SETD2: variants seen among roughly 807,000 people sequenced by gnomAD.
SETD2 encodes the protein SET domain containing 2, histone lysine methyltransferase, also known as histone-lysine N-methyltransferase SETD2.
Under a neutral mutation model 242.1 loss-of-function variants are expected in SETD2, and 31 were observed. That is an observed-to-expected ratio of 0.13 (90% CI 0.10 to 0.17). SETD2 has a LOEUF of 0.17. Among genes scored for constraint, SETD2 ranks in the 10% least tolerant of loss-of-function variants. The pLI is 1.00. For missense variants in SETD2, 2,481 were observed against 3,046.3 expected (o/e 0.81, Z 4.37); for synonymous variants, 1,006 against 1,066.5 (o/e 0.94, Z 1.11).
Position 47,120,893 on chromosome 3 carries a change from C to T in SETD2, c.3743G>A (p.Gly1248Asp), listed in dbSNP as rs746595387. 7 of 1,614,096 alleles carry T rather than the reference C, an allele frequency of 4.3e-6. No homozygotes were observed. Among genetic ancestry groups the T allele is most frequent in the Non-Finnish European group, 5.9e-6 (7 of 1,180,036 alleles). ...TCTGAGCTCTTCTGATGAGTGCAAG[C>T]CATCCACATGTGGTATCTCACAAGA... ...SSSCEIPHVD[G>D]LHSSEELRNL... Residue 1248 changes from glycine (G) to aspartate (D), a missense_variant, in exon 3 of 21, where the codon GGC (glycine) becomes GAC (aspartate). Coordinates refer to ENST00000409792, the MANE Select transcript of SETD2 (RefSeq NM_014159.7).
At chr3:47,142,729 C>T (rs1472035948) in intron 1 of SETD2, among the ~76,000 whole-genome samples, 2 of 148,810 alleles carry the variant, frequency 1.3e-5, no homozygotes, top group Non-Finnish European at 3.0e-5. Flanking sequence ...AGTGCAATGG[C>T]GCAATCTCGC....
chr3:47,022,272 C>T (rs182824945), intron 18 of SETD2, among the ~76,000 whole-genome samples: 33 of 150,558 alleles, frequency 2.2e-4, no homozygotes, highest in African/African-American at 7.3e-4. Flanking sequence ...TGCCTGTAAT[C>T]CCAGCACTTT....
In SETD2 at chr3:47,044,344, C is replaced by CAAAAAAAAAAAAAA. The variant is rs59408277; in HGVS notation, c.7099-1658_7099-1645dup. Among the ~76,000 whole-genome samples, 12 of 33,948 alleles carry CAAAAAAAAAAAAAA rather than the reference C, an allele frequency of 3.5e-4. 1 individual carries two copies. Among genetic ancestry groups the CAAAAAAAAAAAAAA allele is most frequent in the Admixed American group, 5.4e-4 (1 of 1,856 alleles). 22.3% of individuals were successfully genotyped at this position (33,948 alleles called of 152,430 possible). A position where few individuals can be genotyped will look rare whatever the true frequency, so the allele number is the denominator to read the frequency against. The stretch of plus-strand genomic sequence containing the variant: ...TGGGCAACAAAGCAAGACTTCATCT[C>CAAAAAAAAAAAAAA]AAAAAAAAAAAAAAAAAAAAAAAAA... On this transcript the variant is annotated intron_variant, in intron 16 of 20. Coordinates refer to ENST00000409792, the MANE Select transcript of SETD2 (RefSeq NM_014159.7).
intron 9 of SETD2, among the ~76,000 whole-genome samples, chr3:47,093,689 C>T (rs1333515754): frequency 6.6e-6 from 1 of 152,174 alleles, no homozygotes; most frequent in African/African-American, 2.4e-5. Flanking sequence ...TCTGCTTATA[C>T]ACCCAGGAAC....
chr3:47,152,769 C>T (rs753664290), intron 1 of SETD2, among the ~76,000 whole-genome samples: 1 of 152,230 alleles, frequency 6.6e-6, no homozygotes, highest in Non-Finnish European at 1.5e-5. Flanking sequence ...GAAACCACCA[C>T]TTGCTCTAGG....
intron 16 of SETD2, among the ~76,000 whole-genome samples, chr3:47,043,853 T>C (rs1454046193): frequency 6.6e-6 from 1 of 152,180 alleles, no homozygotes; most frequent in Non-Finnish European, 1.5e-5. Context: ...TGTCCCTTAA[T>C]ATTCCAAACC....
In SETD2 at chr3:47,090,065, T is replaced by C. The variant is rs557305101; in HGVS notation, c.5143-1818A>G. ...GAGTTCAAGACGAGCCTGGCCAACA[T>C]GGTGAAACCCTGTCTCTAATAAAAA... On this transcript the variant is annotated intron_variant, in intron 9 of 20. Coordinates refer to ENST00000409792, the MANE Select transcript of SETD2 (RefSeq NM_014159.7). Among the ~76,000 whole-genome samples the C allele has an allele frequency of 8.5e-5, 13 of 152,172 alleles. No homozygotes were observed. The South Asian group carries it at 1.7e-3, about 19-fold the overall frequency.
At chr3:47,127,890 G>A (rs1456490371) in intron 1 of SETD2, among the ~76,000 whole-genome samples, 2 of 152,044 alleles carry the variant, frequency 1.3e-5, no homozygotes, top group African/African-American at 4.8e-5. Flanking sequence ...GGAAGGCTAA[G>A]TTGGGAGGAT....
At chr3:47,068,011 A>G (rs2040639576) in intron 12 of SETD2, among the ~76,000 whole-genome samples, 1 of 152,364 alleles carries the variant, frequency 6.6e-6, no homozygotes, top group South Asian at 2.1e-4. Flanking sequence ...AAGGCTTTTA[A>G]GTACCTTTTC....
rs142658229 is a variant in SETD2 at position 47,134,815 on chromosome 3, G to A, written c.72-8152C>T. Among the ~76,000 whole-genome samples, 333 of 152,152 alleles carry A rather than the reference G, an allele frequency of 2.2e-3. 1 individual carries two copies. The highest frequency in any genetic ancestry group is 7.4e-3 in the African/African-American group (308 of 41,514). On this transcript the variant is annotated intron_variant, in intron 1 of 20. Transcript: ENST00000409792. ...ATTTTTGTATTTTTAGTAGAGACAG[G>A]GTTTCACCATGTCGGCCAGGCTGGT...
Position 47,120,650 on chromosome 3 carries a change from T to A in SETD2, c.3986A>T (p.Asp1329Val), listed in dbSNP as rs2107744248. ...VYDRTQGQVP[D>V]SLTDDREEEE... ...TTCTTCACGATCATCTGTTAGGGAATCTGGTACTTGTCCTTGAGTTCGATC... is the reference window on the plus strand; with the variant it reads ...TTCTTCACGATCATCTGTTAGGGAAACTGGTACTTGTCCTTGAGTTCGATC... Residue 1329 changes from aspartate to valine, a missense_variant, in exon 3 of 21, where the codon GAT (aspartate) becomes GTT (valine). By Grantham distance (152) the Asp-to-Val change is radical (BLOSUM62 -3). Around this residue, in one of 17 missense-constraint regions of SETD2, gnomAD observed 1,300 missense variants for 1,259.2 expected, o/e 1.03. Transcript: ENST00000409792. The A allele has an allele frequency of 6.2e-7, 1 of 1,614,150 alleles. No homozygotes were observed. Among genetic ancestry groups the A allele is most frequent in the Non-Finnish European group, 8.5e-7 (1 of 1,180,042 alleles).
intron 1 of SETD2, among the ~76,000 whole-genome samples, chr3:47,137,479 C>A (rs1026484880): frequency 2.6e-5 from 4 of 152,212 alleles, no homozygotes; most frequent in South Asian, 2.1e-4. Context: ...GTGTGAGCCA[C>A]CGCGCCCAGC....
At chr3:47,053,530 TTA>T (rs1325284178) in intron 15 of SETD2, among the ~76,000 whole-genome samples, 5 of 152,200 alleles carry the variant, frequency 3.3e-5, no homozygotes, top group Non-Finnish European at 7.3e-5. Flanking sequence ...AATTGAGCTT[TTA>T]TGTTTAGTAT....
rs561285937 is a variant in SETD2, at chr3:47,023,660, G to GA, written c.7351-3821dup. ...AGGCCAGCCATGGATAGAAAATATT[G>GA]AAAAAAAATACAATAAAAATAATAC... On this transcript the variant is annotated intron_variant, in intron 18 of 20. Coordinates refer to ENST00000409792, the MANE Select transcript of SETD2 (RefSeq NM_014159.7). Among the ~76,000 whole-genome samples, 161 of 151,298 alleles carry GA rather than the reference G, an allele frequency of 1.1e-3. 2 individuals are homozygous for GA. Among genetic ancestry groups the GA allele is most frequent in the Middle Eastern group, 0.01 (3 of 294 alleles).
At chr3:47,162,442 C>G (rs1207629205) in intron 1 of SETD2, among the ~76,000 whole-genome samples, 1 of 152,018 alleles carries the variant, frequency 6.6e-6, no homozygotes, top group Non-Finnish European at 1.5e-5. Flanking sequence ...GGCCAAGAAC[C>G]CATGAAAGGA....
chr3:47,162,916 C>T (rs554306766), intron 1 of SETD2, among the ~76,000 whole-genome samples: 30 of 152,256 alleles, frequency 2.0e-4, no homozygotes, highest in Non-Finnish European at 3.4e-4. Flanking sequence ...TAAAGGTGTC[C>T]TAGACTGAAA....
chr3:47,084,612 G>A (rs987853328), intron 11 of SETD2, among the ~76,000 whole-genome samples: 1 of 151,946 alleles, frequency 6.6e-6, no homozygotes, highest in Non-Finnish European at 1.5e-5. Flanking sequence ...TTTTAGTAGA[G>A]ACAGGGTTTC....
chr3:47,141,590 T>A (rs1321654427), intron 1 of SETD2, among the ~76,000 whole-genome samples: 2 of 152,212 alleles, frequency 1.3e-5, no homozygotes, highest in Non-Finnish European at 2.9e-5. Flanking sequence ...CTTACTTTCA[T>A]CTTAATACTA....
chr3:47,121,259 G>A lies in SETD2; in HGVS notation c.3377C>T (p.Pro1126Leu), dbSNP rs774939342. ...ATGAAGGAAAAACTTATCAGTTTGA[G>A]GACAGGCTTTACTTGCTATACTTTC... ...KFESIASKACPQTDKFFLHKG... is the reference protein window; with the variant it reads ...KFESIASKACLQTDKFFLHKG... The change falls in exon 3 of 21, where the codon CCT (proline) becomes CTT (leucine). Residue 1126 changes from proline (P) to leucine (L), a missense_variant. Around this residue, in one of 17 missense-constraint regions of SETD2, gnomAD observed 1,300 missense variants for 1,259.2 expected, o/e 1.03. Transcript: ENST00000409792. 1.2e-6 allele frequency: 2 copies of A among 1,613,856 alleles called. No homozygotes were observed. The highest frequency in any genetic ancestry group is 2.7e-5 in the African/African-American group (2 of 74,904).
Sources: gnomAD v4.1 joint callset for allele counts (sites outside exome capture counted in the v4.1 genomes callset) on GRCh38, gnomAD v4.1.1 for gene constraint, gnomAD v4.1.1 regional missense constraint, MANE v1.5 for transcripts, NCBI Gene and HGNC (gene_info 2026-07-23, HGNC 2026-07-21) for gene names.